Variants in WDR43 observed in about 807,000 individuals in gnomAD.
WDR43 encodes the protein WD repeat-containing protein 43.
WDR43 carries 13 observed loss-of-function variants against 91.4 expected under a neutral mutation model. The ratio of observed to expected loss-of-function variants is 0.14; its 90% CI spans 0.09 to 0.23. The LOEUF (loss-of-function observed/expected upper bound fraction) is 0.23. Among genes scored for constraint, WDR43 ranks in the 10% least tolerant of loss-of-function variants. The pLI is 1.00. For synonymous variants in WDR43, 331 were observed against 287.9 expected, an observed-to-expected ratio of 1.15 and a Z score of -1.51; for missense variants, 780 against 809.4, an observed-to-expected ratio of 0.96 and a Z score of 0.44.
chr2:28,920,002 G>A (rs1157196952), intron 6 of WDR43, among the ~76,000 whole-genome samples: 1 of 151,756 alleles, frequency 6.6e-6, no homozygotes, highest in Non-Finnish European at 1.5e-5. Flanking sequence ...ACCATGCCTG[G>A]CGAATTTTTG....
At position 28,902,119 on chromosome 2, in the gene WDR43, T is replaced by G. The variant is rs367658131; in HGVS notation, c.358T>G (p.Leu120Val). 2 of 1,565,156 alleles carry G rather than the reference T, an allele frequency of 1.3e-6. No homozygotes were observed. Among genetic ancestry groups the G allele is most frequent in the South Asian group, 2.4e-5 (2 of 83,156 alleles). Residue 120 changes from leucine to valine, a missense_variant, in exon 2 of 18, where the codon TTA (leucine) becomes GTA (valine). This residue lies in a region of WDR43 where 174 missense variants were observed against 207.3 expected (regional missense o/e 0.84). Transcript: ENST00000407426. ...STVKGELHSKLISGGHDNRVN... is the reference protein window; with the variant it reads ...STVKGELHSKVISGGHDNRVN... ...AGTAAAAGGAGAGTTACACAGTAAA[T>G]TAATAGTAAGTGTGTGTATATTTTA...
chr2:28,912,131 T>C (rs1459981956), intron 3 of WDR43, among the ~76,000 whole-genome samples: 2 of 152,176 alleles, frequency 1.3e-5, no homozygotes, highest in South Asian at 2.1e-4. Context: ...GTTGCAACTT[T>C]AGAGAAATCG....
chr2:28,902,591 G>A (rs1670597787), intron 2 of WDR43, among the ~76,000 whole-genome samples: 1 of 152,228 alleles, frequency 6.6e-6, no homozygotes, highest in Non-Finnish European at 1.5e-5. Context: ...TGTCTCTGAT[G>A]GAGATGATGA....
intron 14 of WDR43, among the ~76,000 whole-genome samples, chr2:28,939,201 G>A (rs543377496): frequency 6.6e-6 from 1 of 150,378 alleles, no homozygotes; most frequent in African/African-American, 2.4e-5. Context: ...TGGTGAGAGG[G>A]GTTTTGGGAG....
intron 11 of WDR43, among the ~76,000 whole-genome samples, chr2:28,932,146 G>T (rs1671260144): frequency 6.6e-6 from 1 of 152,130 alleles, no homozygotes; most frequent in South Asian, 2.1e-4. Flanking sequence ...ACAAAGTGCT[G>T]GCATAGAATA....
At chr2:28,935,723 A>G (rs531005739) in intron 12 of WDR43, 116 bp downstream of exon 12, 30 of 440,610 alleles carry the variant, frequency 6.8e-5, no homozygotes, top group Middle Eastern at 3.5e-4. Context: ...AGAGTGAGTA[A>G]TGGATGGAGG....
At chr2:28,896,686 T>C (rs1279316954) in intron 1 of WDR43, among the ~76,000 whole-genome samples, 2 of 152,328 alleles carry the variant, frequency 1.3e-5, no homozygotes, top group East Asian at 3.9e-4. Context: ...TTGCATTGTA[T>C]GCCCAAGAGA....
intron 6 of WDR43, among the ~76,000 whole-genome samples, chr2:28,919,902 G>A (rs1572591740): frequency 1.3e-5 from 2 of 151,930 alleles, no homozygotes; most frequent in East Asian, 3.9e-4. Context: ...GTGCAGTGGT[G>A]CAGTCTTGGC....
chr2:28,944,327 TA>T (rs1295798700), intron 16 of WDR43, among the ~76,000 whole-genome samples: 1 of 152,230 alleles, frequency 6.6e-6, no homozygotes, highest in African/African-American at 2.4e-5. Flanking sequence ...TGGGCATTTG[TA>T]AACAGATTAA....
intron 10 of WDR43, among the ~76,000 whole-genome samples, chr2:28,928,843 G>A (rs1006451813): frequency 2.2e-4 from 31 of 137,988 alleles, no homozygotes; most frequent in Admixed American, 1.6e-3. Context: ...CACTATGCCT[G>A]GCTAATTTTT....
At chr2:28,917,345 G>GTA in intron 5 of WDR43, among the ~76,000 whole-genome samples, 1 of 152,174 alleles carries the variant, frequency 6.6e-6, no homozygotes, top group Non-Finnish European at 1.5e-5. Context: ...GCATATGTGT[G>GTA]TATATATAGG....
At chr2:28,937,052 C>A in intron 13 of WDR43, 99 bp downstream of exon 13, 3 of 1,138,950 alleles carry the variant, frequency 2.6e-6, no homozygotes, top group South Asian at 1.5e-5. Context: ...CTTTCAGTGT[C>A]AAATATTAAC....
intron 2 of WDR43, among the ~76,000 whole-genome samples, chr2:28,903,867 C>T (rs1030323326): frequency 5.3e-5 from 8 of 152,056 alleles, no homozygotes; most frequent in African/African-American, 1.4e-4. Context: ...TGCAGTAGTG[C>T]GGTCTCAGCT....
At chr2:28,938,207 C>T (rs1671369176) in intron 14 of WDR43, among the ~76,000 whole-genome samples, 1 of 151,980 alleles carries the variant, frequency 6.6e-6, no homozygotes, top group South Asian at 2.1e-4. Flanking sequence ...TTGGTCTTCC[C>T]CTCTGCCCCC....
At chr2:28,898,083 C>T (rs1670514149) in intron 1 of WDR43, among the ~76,000 whole-genome samples, 2 of 152,194 alleles carry the variant, frequency 1.3e-5, no homozygotes, top group African/African-American at 2.4e-5. Flanking sequence ...ACTGAGCCAC[C>T]TAGGAACTGA....
In WDR43 at chr2:28,929,488, CTATTTTATTT is replaced by C. The variant is rs971262608; in HGVS notation, c.1306-74_1306-65del. ...TGTTTTCTAGGGTTGAGGTGTAAAT[CTATTTTATTT>C]TATTTTATTTTATTTTTTTTGTCTC... On this transcript the variant is annotated intron_variant, in intron 10 of 17. Coordinates refer to ENST00000407426, the MANE Select transcript of WDR43 (RefSeq NM_015131.3). 1.1e-4 allele frequency: 132 copies of C among 1,148,374 alleles called. No homozygotes were observed. In the African/African-American group the frequency reaches 1.7e-3, roughly 15 times the overall value. 71.1% of individuals were successfully genotyped at this position (1,148,374 alleles called of 1,614,324 possible).
intron 2 of WDR43, among the ~76,000 whole-genome samples, chr2:28,902,464 A>G (rs1213793416): frequency 6.6e-6 from 1 of 152,216 alleles, no homozygotes; most frequent in African/African-American, 2.4e-5. Flanking sequence ...TACTGCTAAC[A>G]CTGAGATCTT....
At chr2:28,927,820 G>A (rs1007389657) in intron 10 of WDR43, 120 bp downstream of exon 10, 9 of 1,301,868 alleles carry the variant, frequency 6.9e-6, no homozygotes, top group Non-Finnish European at 9.4e-6. Context: ...GATTTCTCCT[G>A]TTATGCTCTC....
chr2:28,937,022 G>A (rs1442691972), intron 13 of WDR43, 69 bp downstream of exon 13: 1 of 1,438,608 alleles, frequency 7.0e-7, no homozygotes, highest in Non-Finnish European at 9.4e-7. Context: ...AGGTGGTTCT[G>A]ATTTCTAACT....
Sources: gnomAD v4.1 joint callset for allele counts (sites outside exome capture counted in the v4.1 genomes callset) on GRCh38, gnomAD v4.1.1 for gene constraint, gnomAD v4.1.1 regional missense constraint, MANE v1.5 for transcripts, NCBI Gene and HGNC (gene_info 2026-07-23, HGNC 2026-07-21) for gene names.